DNAH9: variants seen among roughly 807,000 people sequenced by gnomAD.
The protein encoded by DNAH9 is DNAH9 variant protein.
Under a neutral mutation model 471.6 loss-of-function variants are expected in DNAH9, and 345 were observed. That is an observed-to-expected ratio of 0.73 (90% CI 0.67 to 0.80). DNAH9 has a LOEUF of 0.80. Ranked by LOEUF, DNAH9 falls within the 30% of genes least tolerant of loss-of-function variation. DNAH9 has a pLI of 0.00. For synonymous variants in DNAH9, 2,093 were observed against 2,123.6 expected, an observed-to-expected ratio of 0.99 and a Z score of 0.40; for missense variants, 5,407 against 5,609.2, an observed-to-expected ratio of 0.96 and a Z score of 1.15.
At chr17:11,620,835 G>A (rs1234087766) in intron 6 of DNAH9, among the ~76,000 whole-genome samples, 2 of 152,078 alleles carry the variant, frequency 1.3e-5, no homozygotes, top group Non-Finnish European at 2.9e-5. Flanking sequence ...AGTCCAAAAC[G>A]AATGAGTCCC....
chr17:11,963,035 C>T (rs148207154), intron 68 of DNAH9, among the ~76,000 whole-genome samples: 1 of 152,168 alleles, frequency 6.6e-6, no homozygotes, highest in African/African-American at 2.4e-5. Context: ...CTAGGCATAA[C>T]CCCAGAATGA....
At chr17:11,719,789 C>A (rs1474178729) in intron 27 of DNAH9, among the ~76,000 whole-genome samples, 2 of 152,102 alleles carry the variant, frequency 1.3e-5, no homozygotes. Flanking sequence ...CTTTTATTAC[C>A]TGCAAAATGA....
chr17:11,676,009 T>G (rs1339103999), intron 17 of DNAH9, among the ~76,000 whole-genome samples: 1 of 152,142 alleles, frequency 6.6e-6, no homozygotes, highest in East Asian at 1.9e-4. Flanking sequence ...AATTTTCTGA[T>G]CTGTGAGAGT....
intron 68 of DNAH9, among the ~76,000 whole-genome samples, chr17:11,963,300 G>A (rs1377410983): frequency 6.6e-6 from 1 of 152,106 alleles, no homozygotes; most frequent in Non-Finnish European, 1.5e-5. Context: ...CGGGCATGGT[G>A]GTGCATGCCT....
At chr17:11,775,851 CAAAGTGCTGGG>C (rs1968409128) in intron 38 of DNAH9, among the ~76,000 whole-genome samples, 1 of 152,130 alleles carries the variant, frequency 6.6e-6, no homozygotes, top group South Asian at 2.1e-4. Context: ...CTCGGGCTCC[CAAAGTGCTGGG>C]ATTATAGGCG....
In DNAH9 at chr17:11,840,065, A is replaced by G. The variant is rs538305464; in HGVS notation, c.9507+5167A>G. 3.3e-5 allele frequency among the ~76,000 whole-genome samples: 5 copies of G among 152,354 alleles called. No individual in the cohort carries two copies. The East Asian group carries it at 9.6e-4, about 29-fold the overall frequency. ...TGACCCAGCAATCCCTCTTTTGGGT[A>G]TATACCCAAGGGAAATGAAATCAAC... On this transcript the variant is annotated intron_variant, in intron 49 of 68. Transcript: ENST00000262442.
At chr17:11,780,862 A>G in intron 38 of DNAH9, 147 bp from the exon 39 acceptor site, 1 of 792,488 alleles carries the variant, frequency 1.3e-6, no homozygotes, top group Non-Finnish European at 2.0e-6. Flanking sequence ...TGGGAGCAGC[A>G]GTAGCTGTTA....
chr17:11,625,076 G>GCA (rs3039431), intron 6 of DNAH9, among the ~76,000 whole-genome samples: 1,907 of 150,032 alleles, frequency 0.013, 22 homozygotes, highest in Non-Finnish European at 0.015. Flanking sequence ...ATGCATCAGT[G>GCA]CACACACACA....
chr17:11,777,544 A>G (rs1968484878), intron 38 of DNAH9, among the ~76,000 whole-genome samples: 4 of 152,252 alleles, frequency 2.6e-5, no homozygotes, highest in Admixed American at 2.6e-4. Flanking sequence ...TTATAGTTTT[A>G]GTGTACAGAG....
chr17:11,703,178 G>A (rs2074635028), intron 24 of DNAH9, among the ~76,000 whole-genome samples: 1 of 152,084 alleles, frequency 6.6e-6, no homozygotes, highest in African/African-American at 2.4e-5. Context: ...AAGAAGAGAG[G>A]AGAAAGGAGT....
At chr17:11,965,408 C>T (rs915803387) in intron 68 of DNAH9, among the ~76,000 whole-genome samples, 1 of 152,200 alleles carries the variant, frequency 6.6e-6, no homozygotes, top group Non-Finnish European at 1.5e-5. Context: ...CAGAGCAGGC[C>T]ACTTCAGTGG....
intron 67 of DNAH9, among the ~76,000 whole-genome samples, chr17:11,959,989 G>T (rs1336572874): frequency 6.6e-6 from 1 of 152,210 alleles, no homozygotes; most frequent in Non-Finnish European, 1.5e-5. Flanking sequence ...AGACACTACA[G>T]TCTAGAAAGT....
intron 1 of DNAH9, among the ~76,000 whole-genome samples, chr17:11,606,062 T>C (rs2072497657): frequency 6.6e-6 from 1 of 152,212 alleles, no homozygotes; most frequent in African/African-American, 2.4e-5. Flanking sequence ...ACTTCTGCCC[T>C]GGGTTCAAAT....
chr17:11,827,366 C>G (rs1334670678), intron 48 of DNAH9, among the ~76,000 whole-genome samples: 3 of 152,140 alleles, frequency 2.0e-5, no homozygotes. Context: ...CTGGGAAAGC[C>G]TCAGGGAGCT....
chr17:11,733,090 T>C (rs9897529), intron 28 of DNAH9, among the ~76,000 whole-genome samples: 145,127 of 152,332 alleles, frequency 0.95, 69,514 homozygotes, highest in Non-Finnish European at 1. Context: ...GTGGGTTGCA[T>C]TTCCCGAAGG....
Position 11,669,670 on chromosome 17 carries a change from C to A in DNAH9, c.3229C>A (p.Pro1077Thr). ...CTATGAAGAGGTGTGCAGGCTGGAACCCATCAAGGTGTTTGACGGCTGGAT... is the reference window on the plus strand; with the variant it reads ...CTATGAAGAGGTGTGCAGGCTGGAAACCATCAAGGTGTTTGACGGCTGGAT... ...TLYEEVCRLE[P>T]IKVFDGWMKI... Residue 1077 changes from proline (P) to threonine (T), a missense_variant, in exon 17 of 69, where the codon CCC becomes ACC. Pro to Thr is a conservative substitution (Grantham distance 38, BLOSUM62 -1). Coordinates refer to ENST00000262442, the MANE Select transcript of DNAH9 (RefSeq NM_001372.4). 1 of 1,614,124 alleles carries A rather than the reference C, an allele frequency of 6.2e-7. No homozygotes were observed. Among genetic ancestry groups the A allele is most frequent in the Non-Finnish European group, 8.5e-7 (1 of 1,180,006 alleles).
intron 31 of DNAH9, among the ~76,000 whole-genome samples, chr17:11,745,907 A>T (rs2075516457): frequency 6.6e-6 from 1 of 152,236 alleles, no homozygotes; most frequent in Non-Finnish European, 1.5e-5. Flanking sequence ...ACACACACAC[A>T]GATACAGAAA....
In DNAH9 at chr17:11,632,660, T is replaced by A. The variant is rs750157192; in HGVS notation, c.1592T>A (p.Ile531Asn). The A allele has an allele frequency of 5.0e-6, 8 of 1,611,082 alleles. No individual in the cohort carries two copies. The highest frequency in any genetic ancestry group is 6.8e-6 in the Non-Finnish European group (8 of 1,177,208). The change falls in exon 8 of 69, where the codon ATT (isoleucine) becomes AAT (asparagine). Residue 531 changes from isoleucine (I) to asparagine (N), a missense_variant. Coordinates refer to ENST00000262442, the MANE Select transcript of DNAH9 (RefSeq NM_001372.4). Reference protein sequence around the residue: ...DLDRRLGTIFIQAFDDAPGLE... With the variant: ...DLDRRLGTIFNQAFDDAPGLE... ...GACCGAAGATTGGGGACTATCTTTATTCAAGCTTTTGATGATGCACCTGGC... is the reference window on the plus strand; with the variant it reads ...GACCGAAGATTGGGGACTATCTTTAATCAAGCTTTTGATGATGCACCTGGC...
intron 67 of DNAH9, among the ~76,000 whole-genome samples, chr17:11,959,659 G>A (rs1975912509): frequency 6.6e-6 from 1 of 152,158 alleles, no homozygotes; most frequent in Non-Finnish European, 1.5e-5. Context: ...GAAAAAACTT[G>A]CTCATCAAAT....
Sources: allele counts gnomAD v4.1 joint callset (sites outside exome capture counted in the v4.1 genomes callset), GRCh38; gene constraint gnomAD v4.1.1; transcripts MANE v1.5; gene names NCBI Gene and HGNC (gene_info 2026-07-23, HGNC 2026-07-21).